DENND6A: variants seen among roughly 807,000 people sequenced by gnomAD.
The protein encoded by DENND6A is protein DENND6A.
DENND6A carries 43 observed loss-of-function variants against 95.5 expected under a neutral mutation model. The ratio of observed to expected loss-of-function variants is 0.45; its 90% CI spans 0.35 to 0.58. The LOEUF (loss-of-function observed/expected upper bound fraction) is 0.58, where lower values mean the gene tolerates loss of function less well. Ranked by LOEUF, DENND6A falls within the 20% of genes least tolerant of loss-of-function variation. DENND6A has a pLI of 0.00. For missense variants in DENND6A, 574 were observed against 736.0 expected, an observed-to-expected ratio of 0.78 and a Z score of 2.55; for synonymous variants, 257 against 260.4, an observed-to-expected ratio of 0.99 and a Z score of 0.13.
At chr3:57,643,190 A>T (rs1450254240) in intron 11 of DENND6A, among the ~76,000 whole-genome samples, 1 of 152,182 alleles carries the variant, frequency 6.6e-6, no homozygotes, top group Non-Finnish European at 1.5e-5. Flanking sequence ...TCAAACTGAC[A>T]GAATTTGGTA....
At chr3:57,641,577 TAATC>T in intron 12 of DENND6A, 72 bp downstream of exon 12, 1 of 1,279,984 alleles carries the variant, frequency 7.8e-7, no homozygotes, top group East Asian at 2.5e-5. Flanking sequence ...ACATAAAAAA[TAATC>T]AAGGATGAAA....
At chr3:57,658,583 A>C (rs1197128527) in intron 8 of DENND6A, among the ~76,000 whole-genome samples, 1 of 152,200 alleles carries the variant, frequency 6.6e-6, no homozygotes, top group Non-Finnish European at 1.5e-5. Context: ...ACTGTATGAA[A>C]TACTCCCATT....
At position 57,660,707 on chromosome 3, in the gene DENND6A, C is replaced by CA; in HGVS notation, c.699+52dup. 5 of 1,507,606 alleles carry CA rather than the reference C, an allele frequency of 3.3e-6. No individual in the cohort carries two copies. In the South Asian group the frequency reaches 5.0e-5, roughly 15 times the overall value. 93.4% of individuals were successfully genotyped at this position (1,507,606 alleles called of 1,614,324 possible). On this transcript the variant is annotated intron_variant, in intron 7 of 19. Transcript: ENST00000311128. The stretch of plus-strand genomic sequence containing the variant: ...TGGGTGACAGCACAAGACCCTGTCT[C>CA]AAAAAAATAAAAATAAAAATAAAAA...
chr3:57,640,274 AAAAAAACAAAAAAAAAC>A (rs1395584062), intron 12 of DENND6A, among the ~76,000 whole-genome samples: 3 of 139,468 alleles, frequency 2.2e-5, no homozygotes, highest in East Asian at 2.1e-4. Flanking sequence ...GTCTCAAAAA[AAAAAAACAAAAAAAAAC>A]AAAAAACAAA....
chr3:57,675,898 C>T (rs1380904649), intron 1 of DENND6A, among the ~76,000 whole-genome samples: 2 of 152,132 alleles, frequency 1.3e-5, no homozygotes, highest in East Asian at 3.9e-4. Flanking sequence ...TCTCATGCCA[C>T]CAATTATCAA....
rs1291965078 is a variant in DENND6A at position 57,693,022 on chromosome 3, C to T, written c.-4G>A. 3 of 1,456,728 alleles carry T rather than the reference C, an allele frequency of 2.1e-6. No homozygotes were observed. Among genetic ancestry groups the T allele is most frequent in the Admixed American group, 2.8e-5 (1 of 36,316 alleles). 90.2% of individuals were successfully genotyped at this position (1,456,728 alleles called of 1,614,324 possible). ...CCGCAGGGCCCCTCAAAGCCATCGG[C>T]CGCCCCCTGACCGTTCGCGCCGCCT... On this transcript the variant is annotated 5_prime_UTR_variant, in exon 1 of 20. Transcript: ENST00000311128.
intron 1 of DENND6A, among the ~76,000 whole-genome samples, chr3:57,692,074 T>C (rs1053485853): frequency 6.6e-6 from 1 of 151,304 alleles, no homozygotes; most frequent in African/African-American, 2.4e-5. Context: ...CTATTAAAAA[T>C]ACAAAATTAG....
intron 12 of DENND6A, among the ~76,000 whole-genome samples, chr3:57,641,299 TTAAA>T (rs941080254): frequency 2.1e-5 from 3 of 143,806 alleles, no homozygotes; most frequent in Non-Finnish European, 3.0e-5. Context: ...TATTATATAT[TTAAA>T]TATATATTTA....
intron 11 of DENND6A, among the ~76,000 whole-genome samples, chr3:57,642,332 A>G (rs1483787015): frequency 6.6e-6 from 1 of 151,636 alleles, no homozygotes; most frequent in Non-Finnish European, 1.5e-5. Context: ...AAAAAAAAAA[A>G]AAGCATAATA....
At chr3:57,673,654 T>C (rs534964126) in intron 1 of DENND6A, among the ~76,000 whole-genome samples, 1 of 152,376 alleles carries the variant, frequency 6.6e-6, no homozygotes, top group East Asian at 1.9e-4. Context: ...TTGATCATTA[T>C]ACATTGCATG....
At chr3:57,692,675 T>C in intron 1 of DENND6A, 107 bp downstream of exon 1, 2 of 1,058,300 alleles carry the variant, frequency 1.9e-6, no homozygotes, top group Non-Finnish European at 2.5e-6. Context: ...CACGCCCGGA[T>C]GCGCCGCGGA....
intron 9 of DENND6A, among the ~76,000 whole-genome samples, chr3:57,653,122 G>C (rs145414937): frequency 0.01 from 1,538 of 152,106 alleles, 30 homozygotes; most frequent in African/African-American, 0.034. Flanking sequence ...AATGGTTTGG[G>C]AAAAAAGTCT....
At chr3:57,638,708 A>G (rs2070856920) in intron 12 of DENND6A, among the ~76,000 whole-genome samples, 1 of 152,116 alleles carries the variant, frequency 6.6e-6, no homozygotes, top group South Asian at 2.1e-4. Context: ...CCAATAAACA[A>G]TGGAAAGATA....
At chr3:57,684,615 T>C (rs1329555366) in intron 1 of DENND6A, among the ~76,000 whole-genome samples, 2 of 151,610 alleles carry the variant, frequency 1.3e-5, no homozygotes, top group Non-Finnish European at 2.9e-5. Context: ...AAAACCCTGT[T>C]TCTACAAAAA....
chr3:57,641,937 G>A (rs1000613066), intron 11 of DENND6A, among the ~76,000 whole-genome samples, 190 bp from the exon 12 acceptor site: 9 of 151,976 alleles, frequency 5.9e-5, no homozygotes, highest in African/African-American at 1.9e-4. Flanking sequence ...GAAAGGACAC[G>A]GTCCTTCCAG....
At chr3:57,640,550 C>T (rs1042876659) in intron 12 of DENND6A, among the ~76,000 whole-genome samples, 5 of 152,128 alleles carry the variant, frequency 3.3e-5, no homozygotes, top group Admixed American at 1.3e-4. Context: ...TGTACTCCAG[C>T]CTGGGCAACA....
At position 57,628,263 on chromosome 3, in the gene DENND6A, G is replaced by A. The variant is rs185775349; in HGVS notation, c.1778C>T (p.Ala593Val). 1 of 1,614,096 alleles carries A rather than the reference G, an allele frequency of 6.2e-7. No individual in the cohort carries two copies. The highest frequency in any genetic ancestry group is 2.2e-5 in the East Asian group (1 of 44,870). The stretch of plus-strand genomic sequence containing the variant: ...TATGCCTTGCAAGTCCTCTGGCAAT[G>A]CTAAGATAATGGCATCTATGTGTGT... ...LRTHIDAIIL[A>V]LPEDLQGILL... Residue 593 changes from alanine to valine, a missense_variant, in exon 20 of 20, where the codon GCA becomes GTA. By Grantham distance (64) the Ala-to-Val change is moderately conservative. This residue lies in a region of DENND6A where 452 missense variants were observed against 630.9 expected (regional missense o/e 0.72). Transcript: ENST00000311128.
chr3:57,685,770 T>C (rs1481022557), intron 1 of DENND6A, among the ~76,000 whole-genome samples: 1 of 152,192 alleles, frequency 6.6e-6, no homozygotes, highest in Admixed American at 6.5e-5. Context: ...TAATGTTTGC[T>C]CTTGGCAGAA....
intron 3 of DENND6A, 99 bp downstream of exon 3, chr3:57,672,157 C>A: frequency 8.8e-7 from 1 of 1,133,404 alleles, no homozygotes; most frequent in Non-Finnish European, 1.2e-6. Context: ...GATCTGTTTG[C>A]AATCTAATAT....
Sources: gnomAD v4.1 joint callset for allele counts (sites outside exome capture counted in the v4.1 genomes callset) on GRCh38, gnomAD v4.1.1 for gene constraint, gnomAD v4.1.1 regional missense constraint, MANE v1.5 for transcripts, NCBI Gene and HGNC (gene_info 2026-07-23, HGNC 2026-07-21) for gene names.